The following NPC1 variants were observed in gnomAD, a reference collection of about 807,000 sequenced individuals.
NPC1 encodes NPC intracellular cholesterol transporter 1.
Under a neutral mutation model 140.4 loss-of-function variants are expected in NPC1, and 85 were observed. That is an observed-to-expected ratio of 0.61 (90% confidence interval 0.51 to 0.72). The LOEUF (loss-of-function observed/expected upper bound fraction) is 0.72. NPC1 is among the 30% of genes least tolerant of loss of function. The probability of loss-of-function intolerance (pLI) is 0.00; values close to 1 mark genes in which losing one functional copy is unlikely to be tolerated. For missense variants in NPC1, 1,504 were observed against 1,623.8 expected (o/e 0.93, Z 1.27); for synonymous variants, 656 against 624.8 (o/e 1.05, Z -0.74).
At position 23,539,793 on chromosome 18, in the gene NPC1, A is replaced by G; in HGVS notation, c.2795+18T>C. The G allele has an allele frequency of 6.2e-7, 1 of 1,613,412 alleles. No homozygotes were observed. The highest frequency in any genetic ancestry group is 2.2e-5 in the East Asian group (1 of 44,882). ...CCTCCTCCGCTGCTTCTGAAGTACAAGACAAGGTGGTACTGACTAGTTGTC... is the reference window on the plus strand; with the variant it reads ...CCTCCTCCGCTGCTTCTGAAGTACAGGACAAGGTGGTACTGACTAGTTGTC... On this transcript the variant is annotated intron_variant, in intron 18 of 24. Transcript: ENST00000269228.
rs1230000548 is a variant in NPC1, at chr18:23,531,855, T to TA, written c.*346dup. On this transcript the variant is annotated 3_prime_UTR_variant, in exon 25 of 25. Transcript: ENST00000269228. ...TAGAACTTGTGGGATGGCTTACTCC[T>TA]AAAAGGAGAGACAGACAGTGCATTG... The TA allele has an allele frequency of 1.5e-5, 22 of 1,453,960 alleles. No individual in the cohort carries two copies. Among genetic ancestry groups the TA allele is most frequent in the Non-Finnish European group, 2.0e-5 (22 of 1,111,754 alleles). 90.1% of individuals were successfully genotyped at this position (1,453,960 alleles called of 1,614,324 possible).
In NPC1 at chr18:23,586,458, A is replaced by AGGAGCAGGCGCTGACCGCG. The variant is rs1163061955; in HGVS notation, c.-134_-116dup. ...CCCCGCGCAGGAGGAGCGGAGGAGCAGGAGCAGGCGCTGACCGCGGCAGCA... is the reference window on the plus strand; with the variant it reads ...CCCCGCGCAGGAGGAGCGGAGGAGCAGGAGCAGGCGCTGACCGCGGGAGCAGGCGCTGACCGCGGCAGCA... On this transcript the variant is annotated 5_prime_UTR_variant, in exon 1 of 25. Transcript: ENST00000269228. 2.0e-6 allele frequency: 3 copies of AGGAGCAGGCGCTGACCGCG among 1,486,940 alleles called. No individual in the cohort carries two copies. Among genetic ancestry groups the AGGAGCAGGCGCTGACCGCG allele is most frequent in the East Asian group, 2.7e-5 (1 of 37,652 alleles). The allele number at this position is 1,486,940 out of a possible 1,614,324, so 92.1% of individuals were successfully genotyped here.
intron 6 of NPC1, among the ~76,000 whole-genome samples, chr18:23,558,104 G>C (rs2058981250): frequency 6.6e-6 from 1 of 152,138 alleles, no homozygotes; most frequent in Non-Finnish European, 1.5e-5. Flanking sequence ...GAGGAAGAGA[G>C]GGAAAGAGAA....
At chr18:23,549,278 C>G (rs1338608821) in intron 10 of NPC1, among the ~76,000 whole-genome samples, 1 of 151,414 alleles carries the variant, frequency 6.6e-6, no homozygotes, top group Non-Finnish European at 1.5e-5. Flanking sequence ...TTTACTGAAG[C>G]CTTGACTTCT....
intron 10 of NPC1, 45 bp downstream of exon 10, chr18:23,551,582 A>C: frequency 7.1e-7 from 1 of 1,405,348 alleles, no homozygotes; most frequent in Non-Finnish European, 1.0e-6. Context: ...GACAAAACCG[A>C]GATGACTTTA....
In NPC1 at chr18:23,565,660, T is replaced by C. The variant is rs544330805; in HGVS notation, c.463+3163A>G. On this transcript the variant is annotated intron_variant, in intron 4 of 24. Transcript: ENST00000269228. ...TGAGCCACTGCACCCGGCTGTTCTT[T>C]AAAGTGTTTTGCCTTCTGTTATAGT... Among the ~76,000 whole-genome samples, 62 of 152,330 alleles carry C rather than the reference T, an allele frequency of 4.1e-4. No individual in the cohort carries two copies. The South Asian group carries it at 8.1e-3, about 20-fold the overall frequency.
At chr18:23,552,571 AG>A (rs2058889246) in intron 9 of NPC1, among the ~76,000 whole-genome samples, 1 of 152,266 alleles carries the variant, frequency 6.6e-6, no homozygotes, top group African/African-American at 2.4e-5. Context: ...AACAGGAAGC[AG>A]GTGGAACAGT....
chr18:23,510,401 A>T (rs889033199), intron 3 of NPC1, among the ~76,000 whole-genome samples: 1 of 152,028 alleles, frequency 6.6e-6, no homozygotes, highest in Non-Finnish European at 1.5e-5. Context: ...TAATCCCAGC[A>T]CTTTGGGAGA....
At chr18:23,569,688 A>G (rs1317997575) in intron 3 of NPC1, among the ~76,000 whole-genome samples, 1 of 152,172 alleles carries the variant, frequency 6.6e-6, no homozygotes, top group African/African-American at 2.4e-5. Flanking sequence ...AACCTATTGA[A>G]AGGTTTTCTT....
At chr18:23,506,791 T>C (rs2057727849) in intron 3 of NPC1, 2 of 511,942 alleles carry the variant, frequency 3.9e-6, no homozygotes, top group Admixed American at 3.7e-5. Context: ...CAGCAAGTTC[T>C]TTCCAGTTGG....
chr18:23,512,807 G>A (rs182882611), intron 3 of NPC1, among the ~76,000 whole-genome samples: 10 of 152,200 alleles, frequency 6.6e-5, no homozygotes, highest in Admixed American at 4.6e-4. Context: ...GTTCAGTTCA[G>A]TAGTGTTAAG....
At chr18:23,550,999 C>A (rs979003249) in intron 10 of NPC1, among the ~76,000 whole-genome samples, 41 of 152,286 alleles carry the variant, frequency 2.7e-4, no homozygotes, top group Middle Eastern at 6.8e-3. Context: ...GAGAAGAAAA[C>A]CTATCTGGAT....
downstream of NPC1, chr18:23,519,038 G>T (rs779323321): frequency 4.3e-6 from 7 of 1,612,918 alleles, no homozygotes; most frequent in East Asian, 2.2e-5. Flanking sequence ...ACTGCAGCTT[G>T]TTGATCTGTT....
At position 23,536,829 on chromosome 18, in the gene NPC1, C is replaced by A; in HGVS notation, c.3089G>T (p.Gly1030Val). The change falls in exon 21 of 25, where the codon GGC becomes GTC. Residue 1030 changes from glycine (G) to valine (V), a missense_variant. Gly to Val is a moderately radical substitution (Grantham distance 109). Coordinates refer to ENST00000269228, the MANE Select transcript of NPC1 (RefSeq NM_000271.5). ...GAAGTACGTGGCTCCGACCCTGGTG[C>A]CATGGCCAAGGAGGATGTTAACTGC... Reference protein sequence around the residue: ...SSAVNILLGHGTRVGATYFMT... With the variant: ...SSAVNILLGHVTRVGATYFMT... The A allele has an allele frequency of 6.2e-7, 1 of 1,614,130 alleles. No individual in the cohort carries two copies. Among genetic ancestry groups the A allele is most frequent in the Non-Finnish European group, 8.5e-7 (1 of 1,180,028 alleles).
chr18:23,514,424 G>A (rs1486381524), intron 3 of NPC1, among the ~76,000 whole-genome samples: 1 of 152,192 alleles, frequency 6.6e-6, no homozygotes, highest in African/African-American at 2.4e-5. Flanking sequence ...GGGTGTGGTG[G>A]TGGGCGCCTA....
chr18:23,542,537 C>T (rs567557281), intron 14 of NPC1, among the ~76,000 whole-genome samples: 2 of 152,038 alleles, frequency 1.3e-5, no homozygotes, highest in Admixed American at 6.5e-5. Context: ...TACTACACTT[C>T]AGACATGGGG....
At chr18:23,561,112 C>T (rs573610684) in intron 5 of NPC1, among the ~76,000 whole-genome samples, 37 of 152,126 alleles carry the variant, frequency 2.4e-4, no homozygotes, top group Non-Finnish European at 4.3e-4. Context: ...CCTGGACCCA[C>T]GCAATCCTCC....
At chr18:23,534,379 T>C in intron 23 of NPC1, 67 bp downstream of exon 23, 1 of 1,067,734 alleles carries the variant, frequency 9.4e-7, no homozygotes, top group Non-Finnish European at 1.4e-6. Flanking sequence ...ATCCAGACTC[T>C]TCAGTCACTG....
chr18:23,544,951 C>CCCCG lies in NPC1; in HGVS notation c.1947+8_1947+9insCGGG, dbSNP rs1555634688. On this transcript the variant is annotated intron_variant, in intron 12 of 24. Transcript: ENST00000269228. ...CCTCTAGAACATACACCACCCCCCCCCGGCTTACCAGAAGCCTGCGACAGC... is the reference window on the plus strand; with the variant it reads ...CCTCTAGAACATACACCACCCCCCCCCCCGCGGCTTACCAGAAGCCTGCGACAGC... The CCCCG allele has an allele frequency of 7.0e-7, 1 of 1,436,102 alleles. No individual in the cohort carries two copies. Among genetic ancestry groups the CCCCG allele is most frequent in the Non-Finnish European group, 9.7e-7 (1 of 1,028,830 alleles). 89.0% of individuals were successfully genotyped at this position (1,436,102 alleles called of 1,614,324 possible).
Sources: allele counts gnomAD v4.1 joint callset (sites outside exome capture counted in the v4.1 genomes callset), GRCh38; gene constraint gnomAD v4.1.1; transcripts MANE v1.5; gene names NCBI Gene and HGNC (gene_info 2026-07-23, HGNC 2026-07-21).